Variants in AZIN2 observed in about 807,000 individuals in gnomAD.
The protein encoded by AZIN2 is ODC antizyme inhibitor-2.
Under a neutral mutation model 47.8 loss-of-function variants are expected in AZIN2, and 28 were observed. The ratio of observed to expected loss-of-function variants is 0.59; its 90% CI spans 0.43 to 0.80. The LOEUF (loss-of-function observed/expected upper bound fraction) is 0.80, where lower values mean the gene tolerates loss of function less well. Ranked by LOEUF, AZIN2 falls within the 30% of genes least tolerant of loss-of-function variation. The probability of loss-of-function intolerance (pLI) is 0.00; values close to 1 mark genes in which losing one functional copy is unlikely to be tolerated. For synonymous variants in AZIN2, 221 were observed against 239.4 expected (o/e 0.92, Z 0.71); for missense variants, 535 against 582.5 (o/e 0.92, Z 0.84).
chr1:33,086,732 C>T (rs190462938), intron 5 of AZIN2, among the ~76,000 whole-genome samples: 6 of 152,344 alleles, frequency 3.9e-5, no homozygotes, highest in African/African-American at 1.4e-4. Flanking sequence ...TCTCTCCTGT[C>T]CCAATCGCTT....
intron 6 of AZIN2, 90 bp from the exon 7 acceptor site, chr1:33,093,192 G>A: frequency 2.6e-6 from 4 of 1,565,932 alleles, no homozygotes; most frequent in East Asian, 2.3e-5. Flanking sequence ...GTGGCTCTGA[G>A]CCATGTAGCT....
At chr1:33,136,567 G>A in the AZIN2 span, among the ~76,000 whole-genome samples, 18 of 150,844 alleles carry the variant, frequency 1.2e-4, no homozygotes, top group Non-Finnish European at 2.1e-4. Context: ...ACAGGGTTTC[G>A]CCATGTTGGG....
the AZIN2 span, among the ~76,000 whole-genome samples, chr1:33,137,055 G>T: frequency 6.6e-6 from 1 of 152,026 alleles, no homozygotes; most frequent in Non-Finnish European, 1.5e-5. Context: ...GGGAGTGACG[G>T]TTGGCCAGGA....
chr1:33,147,473 T>C, the AZIN2 span: 2 of 1,613,938 alleles, frequency 1.2e-6, no homozygotes, highest in Non-Finnish European at 1.7e-6. This position sits in a 1 kb window ranked among gnomAD's most constrained non-coding sequence, Gnocchi z 8.1. Flanking sequence ...TGGATCTGGA[T>C]GCTGCCCTTG....
intron 10 of AZIN2, chr1:33,101,945 A>G: frequency 1.3e-6 from 1 of 763,586 alleles, no homozygotes; most frequent in South Asian, 1.4e-5. Flanking sequence ...CTCTCAAGGC[A>G]TTTGGACTGT....
At chr1:33,084,921 T>C (rs930788590) in intron 5 of AZIN2, among the ~76,000 whole-genome samples, 5 of 152,308 alleles carry the variant, frequency 3.3e-5, no homozygotes, top group Non-Finnish European at 7.4e-5. Flanking sequence ...ACTTTACTTA[T>C]CTACTGTCAT....
chr1:33,106,045 A>G (rs1643991705), intron 10 of AZIN2, among the ~76,000 whole-genome samples: 1 of 152,248 alleles, frequency 6.6e-6, no homozygotes, highest in African/African-American at 2.4e-5. Context: ...AGAAGACAGA[A>G]GACTCAAATA....
chr1:33,153,481 A>G, the AZIN2 span, among the ~76,000 whole-genome samples: 1 of 152,214 alleles, frequency 6.6e-6, no homozygotes, highest in Non-Finnish European at 1.5e-5. Flanking sequence ...TGGGGTGGCT[A>G]CTGGCTACTG....
chr1:33,094,707 T>C lies in AZIN2; in HGVS notation c.747T>C (p.Phe249=), dbSNP rs1181797237. ...FPGTEGAKVR[F]EEIASVINSA... is the part of the protein sequence containing the mutation. ...GCACAGAAGGGGCCAAAGTGAGATT[T>C]GAAGAGGTAACCCTGGAGCTGGGAG... Residue 249 remains phenylalanine, a synonymous_variant, in exon 8 of 12, where the codon TTT becomes TTC. Transcript: ENST00000294517. 2 of 1,614,110 alleles carry C rather than the reference T, an allele frequency of 1.2e-6. No individual in the cohort carries two copies. The highest frequency in any genetic ancestry group is 1.7e-6 in the Non-Finnish European group (2 of 1,179,990).
At chr1:33,093,937 T>G (rs1642860470) in intron 7 of AZIN2, among the ~76,000 whole-genome samples, 1 of 152,118 alleles carries the variant, frequency 6.6e-6, no homozygotes, top group Non-Finnish European at 1.5e-5. Context: ...CTCACTTTAT[T>G]GCTCAAGCTG....
At chr1:33,152,332 G>A in the AZIN2 span, among the ~76,000 whole-genome samples, 5 of 152,176 alleles carry the variant, frequency 3.3e-5, no homozygotes, top group South Asian at 8.3e-4. Context: ...TTGGGAGGCC[G>A]AGGCAGGCGG....
intron 5 of AZIN2, among the ~76,000 whole-genome samples, chr1:33,085,734 G>A (rs1326790945): frequency 1.3e-5 from 2 of 152,152 alleles, no homozygotes; most frequent in Admixed American, 6.5e-5. Flanking sequence ...TAGATGAGGT[G>A]CTTCCTCTTA....
chr1:33,094,321 GA>G (rs1328294043), intron 7 of AZIN2, among the ~76,000 whole-genome samples: 4 of 152,210 alleles, frequency 2.6e-5, no homozygotes, highest in Admixed American at 2.6e-4. Context: ...CAGAAGGAGG[GA>G]TGGGAGGAGC....
At chr1:33,116,698 T>C (rs1644557658) in intron 10 of AZIN2, among the ~76,000 whole-genome samples, 1 of 152,222 alleles carries the variant, frequency 6.6e-6, no homozygotes, top group Non-Finnish European at 1.5e-5. Context: ...TTATGAATTA[T>C]GGTAAATACT....
the AZIN2 span, among the ~76,000 whole-genome samples, chr1:33,158,698 A>G: frequency 1.3e-5 from 2 of 152,222 alleles, no homozygotes; most frequent in Non-Finnish European, 2.9e-5. Context: ...ATTGATCACC[A>G]ACAAACCAAT....
At chr1:33,143,904 T>C in the AZIN2 span, among the ~76,000 whole-genome samples, 3 of 152,246 alleles carry the variant, frequency 2.0e-5, no homozygotes, top group South Asian at 4.1e-4. Flanking sequence ...TCTGTGACCA[T>C]GTGCGGCTCT....
At chr1:33,102,695 T>A (rs77485720) in intron 10 of AZIN2, among the ~76,000 whole-genome samples, 2,858 of 152,266 alleles carry the variant, frequency 0.019, 56 homozygotes, top group African/African-American at 0.043. Flanking sequence ...CCTAGGTAAA[T>A]GCTTCCAGAC....
chr1:33,108,581 G>T (rs1201838833), intron 10 of AZIN2, among the ~76,000 whole-genome samples: 3 of 152,176 alleles, frequency 2.0e-5, no homozygotes. Flanking sequence ...GAACTCAAGT[G>T]ATTCGCCCAC....
chr1:33,131,652 T>A, the AZIN2 span, among the ~76,000 whole-genome samples: 3 of 152,186 alleles, frequency 2.0e-5, no homozygotes, highest in African/African-American at 7.2e-5. Context: ...ATATATTAAA[T>A]TAATTTCACA....
Sources: gnomAD v4.1 joint callset for allele counts (sites outside exome capture counted in the v4.1 genomes callset) on GRCh38, gnomAD v4.1.1 for gene constraint, Gnocchi (gnomAD v3.1) non-coding constraint, MANE v1.5 for transcripts, NCBI Gene and HGNC (gene_info 2026-07-23, HGNC 2026-07-21) for gene names.